Variants in CYP7A1 observed in about 807,000 individuals in gnomAD.
CYP7A1 encodes cytochrome P450 family 7 subfamily A member 1, also known as cytochrome P450 7A1.
A neutral mutation model predicts 43.8 loss-of-function variants in CYP7A1; 28 were observed. That is an observed-to-expected ratio of 0.64 (90% confidence interval 0.47 to 0.88). CYP7A1 has a LOEUF of 0.88. Among genes scored for constraint, CYP7A1 ranks in the 40% least tolerant of loss-of-function variants. The pLI, the probability that CYP7A1 is intolerant of heterozygous loss-of-function variation, is 0.00. For synonymous variants in CYP7A1, 227 were observed against 222.5 expected (o/e 1.02, Z -0.18); for missense variants, 637 against 611.9 (o/e 1.04, Z -0.43).
At position 58,496,697 on chromosome 8, in the gene CYP7A1, T is replaced by G. The variant is rs1024942782; in HGVS notation, c.815A>C (p.Asp272Ala). The G allele has an allele frequency of 5.0e-5, 81 of 1,614,228 alleles. No homozygotes were observed. The highest frequency in any genetic ancestry group is 6.8e-5 in the Non-Finnish European group (80 of 1,180,042). ...GAGGTGTGTCTTGGCCTTCTCCAGATCATCAAAGGTGGACAAAGTGTCATT... is the reference window on the plus strand; with the variant it reads ...GAGGTGTGTCTTGGCCTTCTCCAGAGCATCAAAGGTGGACAAAGTGTCATT... Reference protein sequence around the residue: ...FLNDTLSTFDDLEKAKTHLVV... With the variant: ...FLNDTLSTFDALEKAKTHLVV... The change falls in exon 3 of 6, where the codon GAT becomes GCT. Residue 272 changes from aspartate (D) to alanine (A), a missense_variant. Asp to Ala is a moderately radical substitution (Grantham distance 126, BLOSUM62 -2). Transcript: ENST00000301645.
Position 58,492,522 on chromosome 8 carries a change from A to G in CYP7A1, c.1046T>C (p.Ile349Thr). 1.2e-6 allele frequency: 2 copies of G among 1,612,352 alleles called. No homozygotes were observed. Among genetic ancestry groups the G allele is most frequent in the African/African-American group, 2.7e-5 (2 of 74,986 alleles). ...ELNDLPVLDS[I>T]IKESLRLSSA... ...GGAAAGCCTCAGCGATTCCTTGATTATACTATCTAAACATTTTAAAAGAAA... is the reference window on the plus strand; with the variant it reads ...GGAAAGCCTCAGCGATTCCTTGATTGTACTATCTAAACATTTTAAAAGAAA... The change falls in exon 5 of 6, where the codon ATA becomes ACA. Residue 349 changes from isoleucine (I) to threonine (T), a missense_variant. Coordinates refer to ENST00000301645, the MANE Select transcript of CYP7A1 (RefSeq NM_000780.4).
intron 1 of CYP7A1, among the ~76,000 whole-genome samples, chr8:58,498,700 C>A (rs955364494): frequency 6.6e-6 from 1 of 152,142 alleles, no homozygotes. Context: ...ATGCATCCGT[C>A]CATATACACA....
intron 4 of CYP7A1, among the ~76,000 whole-genome samples, 186 bp downstream of exon 4, chr8:58,494,320 C>T (rs570996706): frequency 2.0e-5 from 3 of 152,198 alleles, no homozygotes; most frequent in South Asian, 4.2e-4. Flanking sequence ...TGTCAGTTTC[C>T]TCACTTGGTA....
chr8:58,491,438 T>C lies in CYP7A1; in HGVS notation c.*37A>G. 6 of 1,587,110 alleles carry C rather than the reference T, an allele frequency of 3.8e-6. No homozygotes were observed. Among genetic ancestry groups the C allele is most frequent in the Non-Finnish European group, 5.2e-6 (6 of 1,157,266 alleles). On this transcript the variant is annotated 3_prime_UTR_variant, in exon 6 of 6. Transcript: ENST00000301645. ...GTGGTGAGGGTGTTCTGCAGTCCTG[T>C]AATATCATCTAGTGTCCTCTTATTC...
At chr8:58,495,339 C>T (rs1809422823) in intron 3 of CYP7A1, among the ~76,000 whole-genome samples, 1 of 151,512 alleles carries the variant, frequency 6.6e-6, no homozygotes, top group Non-Finnish European at 1.5e-5. Flanking sequence ...CATTCTCCTG[C>T]CTCAGCCTCC....
rs17262728 is a variant in CYP7A1 at position 58,497,260 on chromosome 8, G to A, written c.322-70C>T. On this transcript the variant is annotated intron_variant, in intron 2 of 5. Transcript: ENST00000301645. ...TAGTCATAGTAAATGACTGAAAAAC[G>A]GATTAGATACTTTCATAGTTCCTTA... is the stretch of plus-strand genomic sequence containing the variant. 2.9e-4 allele frequency: 364 copies of A among 1,268,836 alleles called. 1 individual carries two copies. The African/African-American group carries it at 3.8e-3, about 13-fold the overall frequency. 78.6% of individuals were successfully genotyped at this position (1,268,836 alleles called of 1,614,324 possible).
Position 58,500,088 on chromosome 8 carries a change from G to A in CYP7A1, c.11C>T (p.Thr4Ile), listed in dbSNP as rs763096344. Residue 4 changes from threonine (T) to isoleucine (I), a missense_variant, in exon 1 of 6, where the codon ACA becomes ATA. Transcript: ENST00000301645. MMTTSLIWGIAIAA... is the reference protein window; with the variant it reads MMTISLIWGIAIAA... ...TATAGCAATCCCCCAAATCAAAGAT[G>A]TGGTCATCATTTTGCAAATCTAGGC... 1.8e-5 allele frequency: 29 copies of A among 1,612,672 alleles called. No homozygotes were observed. Among genetic ancestry groups the A allele is most frequent in the Non-Finnish European group, 2.5e-5 (29 of 1,178,960 alleles).
chr8:58,494,566 T>C lies in CYP7A1; in HGVS notation c.979A>G (p.Ser327Gly), dbSNP rs1282082517. The C allele has an allele frequency of 6.2e-7, 1 of 1,614,116 alleles. No individual in the cohort carries two copies. Among genetic ancestry groups the C allele is most frequent in the Non-Finnish European group, 8.5e-7 (1 of 1,179,978 alleles). The change falls in exon 4 of 6, where the codon AGC becomes GGC. Residue 327 changes from serine (S) to glycine (G), a missense_variant. By Grantham distance (56) the Ser-to-Gly change is moderately conservative. Coordinates refer to ENST00000301645, the MANE Select transcript of CYP7A1 (RefSeq NM_000780.4). ...RTLENAGQKV[S>G]LEGNPICLSQ... ...AAACAAATAGGATTGCCTTCCAAGC[T>C]GACTTTTTGACCAGCATTCTCTAAT...
At position 58,491,145 on chromosome 8, in the gene CYP7A1, T is replaced by C. The variant is rs142956490; in HGVS notation, c.*330A>G. 2.4e-3 allele frequency: 742 copies of C among 303,368 alleles called. 7 individuals carry two copies. Among genetic ancestry groups the C allele is most frequent in the African/African-American group, 0.015 (693 of 46,854 alleles). The allele number at this position is 303,368 out of a possible 1,614,324, so 18.8% of individuals were successfully genotyped here. On this transcript the variant is annotated 3_prime_UTR_variant, in exon 6 of 6. Transcript: ENST00000301645. ...CTACCACACCTGGCTGTAATGTGTA[T>C]CTTCATTTTGAAAAAAAATAAAATA... is the stretch of plus-strand genomic sequence containing the variant.
chr8:58,498,334 C>T lies in CYP7A1; in HGVS notation c.216G>A (p.Met72Ile), dbSNP rs1809480376. The change falls in exon 2 of 6, where the codon ATG (methionine) becomes ATA (isoleucine). Residue 72 changes from methionine to isoleucine, a missense_variant. Coordinates refer to ENST00000301645, the MANE Select transcript of CYP7A1 (RefSeq NM_000780.4). ...TTGTGATGAAATGGACATATTTTCC[C>T]ATTAGTTTGCAGGTAAAAACATGAC... ...KHGHVFTCKL[M>I]GKYVHFITNP... The T allele has an allele frequency of 6.2e-7, 1 of 1,614,088 alleles. No individual in the cohort carries two copies.
intron 4 of CYP7A1, among the ~76,000 whole-genome samples, chr8:58,493,436 C>T (rs1241564296): frequency 6.6e-6 from 1 of 152,174 alleles, no homozygotes; most frequent in African/African-American, 2.4e-5. Context: ...AAGAACCAAC[C>T]TGAAAATGGC....
chr8:58,493,625 A>C (rs1343620925), intron 4 of CYP7A1, among the ~76,000 whole-genome samples: 1 of 152,236 alleles, frequency 6.6e-6, no homozygotes, highest in Non-Finnish European at 1.5e-5. Context: ...AAGTCTCCCA[A>C]GTCAGCCCCA....
rs1809347047 is a variant in CYP7A1 at position 58,491,327 on chromosome 8, A to G, written c.*148T>C. On this transcript the variant is annotated 3_prime_UTR_variant, in exon 6 of 6. Transcript: ENST00000301645. ...TCTGGAAACTGTCACCAAAATGTTA[A>G]GATTCACAAGCAAGCACTGGTGAAC... 1.3e-6 allele frequency: 1 copy of G among 747,826 alleles called. No individual in the cohort carries two copies. The allele number at this position is 747,826 out of a possible 1,614,324, so 46.3% of individuals were successfully genotyped here.
intron 4 of CYP7A1, among the ~76,000 whole-genome samples, chr8:58,492,971 A>T (rs760653031): frequency 6.6e-6 from 1 of 152,104 alleles, no homozygotes; most frequent in Non-Finnish European, 1.5e-5. Flanking sequence ...GGGTTTTGCT[A>T]TGTTGCCCAG....
At chr8:58,494,716 T>C (rs1809411470) in intron 3 of CYP7A1, 80 bp from the exon 4 acceptor site, 2 of 1,364,400 alleles carry the variant, frequency 1.5e-6, no homozygotes, top group Non-Finnish European at 2.1e-6. Context: ...CAAATAGGCC[T>C]TTCCCCCTTC....
Position 58,491,402 on chromosome 8 carries a change from A to G in CYP7A1, c.*73T>C. The stretch of plus-strand genomic sequence containing the variant: ...CTACCACCACTAAATGCATTTGTCC[A>G]AAGGGACTGTGTGGTGAGGGTGTTC... On this transcript the variant is annotated 3_prime_UTR_variant, in exon 6 of 6. Transcript: ENST00000301645. 7.3e-7 allele frequency: 1 copy of G among 1,376,006 alleles called. No individual in the cohort carries two copies. Among genetic ancestry groups the G allele is most frequent in the Admixed American group, 1.8e-5 (1 of 56,272 alleles). 85.2% of individuals were successfully genotyped at this position (1,376,006 alleles called of 1,614,324 possible).
In CYP7A1 at chr8:58,496,724, A is replaced by G; in HGVS notation, c.788T>C (p.Leu263Pro). The change falls in exon 3 of 6, where the codon CTC becomes CCC. Residue 263 changes from leucine (L) to proline (P), a missense_variant. Leu to Pro is a moderately conservative substitution (Grantham distance 98, BLOSUM62 -3). Coordinates refer to ENST00000301645, the MANE Select transcript of CYP7A1 (RefSeq NM_000780.4). ...ISELISLRMF[L>P]NDTLSTFDDL... Reference sequence around the variant, plus strand: ...ATCAAAGGTGGACAAAGTGTCATTGAGAAACATGCGCAGGCTGATCAGTTC... The same window carrying G: ...ATCAAAGGTGGACAAAGTGTCATTGGGAAACATGCGCAGGCTGATCAGTTC... 6.2e-7 allele frequency: 1 copy of G among 1,614,216 alleles called. No individual in the cohort carries two copies. The highest frequency in any genetic ancestry group is 1.1e-5 in the South Asian group (1 of 91,088).
rs1184905389 is a variant in CYP7A1 at position 58,490,777 on chromosome 8, A to G, written c.*698T>C. 6.6e-6 allele frequency: 1 copy of G among 152,236 alleles called. No homozygotes were observed. Among genetic ancestry groups the G allele is most frequent in the Non-Finnish European group, 1.5e-5 (1 of 68,042 alleles). 9.4% of individuals were successfully genotyped at this position (152,236 alleles called of 1,614,324 possible). ...ATGTTTAAAGCCCTGAATTTTGGAT[A>G]TAGAAGAAGTTGAAAAATATTTCCT... On this transcript the variant is annotated 3_prime_UTR_variant, in exon 6 of 6. Transcript: ENST00000301645.
In CYP7A1 at chr8:58,496,520, G is replaced by A. The variant is rs1452935638; in HGVS notation, c.908+84C>T. The A allele has an allele frequency of 3.7e-6, 4 of 1,070,510 alleles. No homozygotes were observed. In the African/African-American group the frequency reaches 4.8e-5, roughly 13 times the overall value. The allele number at this position is 1,070,510 out of a possible 1,614,324, so 66.3% of individuals were successfully genotyped here. Reference sequence around the variant, plus strand: ...GATTGACGGCATGATAAAGTACTACGAGGCTTTTTTTCTTAAAGTTAAAGT... The same window carrying A: ...GATTGACGGCATGATAAAGTACTACAAGGCTTTTTTTCTTAAAGTTAAAGT... On this transcript the variant is annotated intron_variant, in intron 3 of 5. Coordinates refer to ENST00000301645, the MANE Select transcript of CYP7A1 (RefSeq NM_000780.4).
Sources: gnomAD v4.1 joint callset for allele counts (sites outside exome capture counted in the v4.1 genomes callset) on GRCh38, gnomAD v4.1.1 for gene constraint, MANE v1.5 for transcripts, NCBI Gene and HGNC (gene_info 2026-07-23, HGNC 2026-07-21) for gene names.